The following SRRM3 variants were observed in gnomAD, a reference collection of about 807,000 sequenced individuals.
The protein encoded by SRRM3 is serine/arginine repetitive matrix 3.
A neutral mutation model predicts 66.2 loss-of-function variants in SRRM3; 27 were observed. The ratio of observed to expected loss-of-function variants is 0.41; its 90% CI spans 0.30 to 0.56. The LOEUF (loss-of-function observed/expected upper bound fraction) is 0.56, where lower values mean the gene tolerates loss of function less well. SRRM3 is among the 20% of genes least tolerant of loss of function. The probability of loss-of-function intolerance (pLI) is 0.32; values close to 1 mark genes in which losing one functional copy is unlikely to be tolerated. For synonymous variants in SRRM3, 391 were observed against 414.9 expected (o/e 0.94, Z 0.70); for missense variants, 918 against 991.9 (o/e 0.93, Z 1.00).
At position 76,235,410 on chromosome 7, in the gene SRRM3, CG is replaced by C. The variant is rs1801120274; in HGVS notation, c.233+115del. 1.9e-5 allele frequency: 17 copies of C among 896,470 alleles called. No homozygotes were observed. In the East Asian group the frequency reaches 4.9e-4, roughly 26 times the overall value. The allele number at this position is 896,470 out of a possible 1,614,324, so 55.5% of individuals were successfully genotyped here. On this transcript the variant is annotated intron_variant, in intron 2 of 14. Transcript: ENST00000611745. ...CGAACGTCGTGGGCGGGGAGAAGGG[CG>C]GGGCTAGGGGCTATTAGGGCGGAGT...
chr7:76,222,053 C>A (rs1039060636), intron 1 of SRRM3, among the ~76,000 whole-genome samples: 4 of 152,172 alleles, frequency 2.6e-5, no homozygotes, highest in Admixed American at 6.6e-5. Context: ...ACTGGCTGAT[C>A]GGCACGGGTC....
chr7:76,236,797 G>A (rs1554605022), intron 2 of SRRM3, among the ~76,000 whole-genome samples: 3 of 152,188 alleles, frequency 2.0e-5, no homozygotes, highest in African/African-American at 7.2e-5. Flanking sequence ...ATGGATGGAT[G>A]GCAGGATGCT....
intron 1 of SRRM3, among the ~76,000 whole-genome samples, chr7:76,221,468 T>A (rs1800719466): frequency 1.3e-5 from 2 of 149,808 alleles, no homozygotes; most frequent in Admixed American, 1.3e-4. Context: ...GTTCACACCA[T>A]TCTCCTGCCT....
chr7:76,257,393 C>T (rs1554607888), intron 3 of SRRM3, among the ~76,000 whole-genome samples: 1 of 149,784 alleles, frequency 6.7e-6, no homozygotes, highest in East Asian at 2.0e-4. Flanking sequence ...AGGTCGGGGC[C>T]ACCCCCCTAG....
intron 10 of SRRM3, 66 bp downstream of exon 10, chr7:76,265,534 A>C: frequency 2.0e-5 from 26 of 1,293,206 alleles, no homozygotes; most frequent in Non-Finnish European, 2.6e-5. Flanking sequence ...AAACACCCCC[A>C]AGGGCTGGGG....
At chr7:76,251,736 C>G (rs1371589362) in intron 3 of SRRM3, among the ~76,000 whole-genome samples, 1 of 151,874 alleles carries the variant, frequency 6.6e-6, no homozygotes, top group Non-Finnish European at 1.5e-5. Flanking sequence ...TCCAGACCAG[C>G]CTGGGCAACA....
intron 3 of SRRM3, among the ~76,000 whole-genome samples, chr7:76,255,805 TA>T (rs35708195): frequency 3.9e-5 from 6 of 152,262 alleles, no homozygotes; most frequent in African/African-American, 1.2e-4. Flanking sequence ...GTGGGTTCCC[TA>T]AAAAATCTGT....
rs183812028 is a variant in SRRM3, at chr7:76,212,384, T to C, written c.-40+10317T>C. On this transcript the variant is annotated intron_variant, in intron 1 of 14. Coordinates refer to ENST00000611745, the MANE Select transcript of SRRM3 (RefSeq NM_001110199.3). ...GTTGCCCAGGCTAGTCTTGAACTCC[T>C]GGCCTCAACTGATCCTCCCACCTCG... 3.4e-3 allele frequency among the ~76,000 whole-genome samples: 509 copies of C among 150,906 alleles called. 4 individuals carry two copies. Among genetic ancestry groups the C allele is most frequent in the African/African-American group, 0.012 (485 of 41,048 alleles).
rs59526809 is a variant in SRRM3 at position 76,220,616 on chromosome 7, A to G, written c.-39-14412A>G. Among the ~76,000 whole-genome samples the G allele has an allele frequency of 4.4e-3, 668 of 152,298 alleles. 4 individuals are homozygous for G. Among genetic ancestry groups the G allele is most frequent in the African/African-American group, 0.015 (636 of 41,576 alleles). On this transcript the variant is annotated intron_variant, in intron 1 of 14. Coordinates refer to ENST00000611745, the MANE Select transcript of SRRM3 (RefSeq NM_001110199.3). ...CCAGCACAGACTGAGACGGCAGGGA[A>G]AGGGTCAGCCCGAGTCCTGCCCAGG...
At chr7:76,234,683 G>A (rs943911856) in intron 1 of SRRM3, among the ~76,000 whole-genome samples, 7 of 152,220 alleles carry the variant, frequency 4.6e-5, no homozygotes, top group Non-Finnish European at 5.9e-5. Flanking sequence ...GTGTGCAAGC[G>A]GGCGCTGGGA....
In SRRM3 at chr7:76,248,148, C is replaced by A. The variant is rs1554606363; in HGVS notation, c.234-40C>A. On this transcript the variant is annotated intron_variant, in intron 2 of 14. Transcript: ENST00000611745. The stretch of plus-strand genomic sequence containing the variant: ...CGGGGCAGGAAAGAGGGAACCAAAT[C>A]TGGGAGACCAGCCCCTTCACCCTCT... The A allele has an allele frequency of 1.9e-6, 3 of 1,554,220 alleles. No homozygotes were observed. The South Asian group carries it at 3.4e-5, about 18-fold the overall frequency.
chr7:76,212,934 T>A (rs574381553), intron 1 of SRRM3, among the ~76,000 whole-genome samples: 4 of 151,788 alleles, frequency 2.6e-5, no homozygotes, highest in Non-Finnish European at 5.9e-5. Context: ...CTGCGTGATG[T>A]CCTGTTCCAA....
intron 14 of SRRM3, chr7:76,283,745 C>G: frequency 8.3e-7 from 1 of 1,198,674 alleles, no homozygotes; most frequent in Non-Finnish European, 1.1e-6. Flanking sequence ...TTGCCCTACA[C>G]AGCTGTGGGG....
At chr7:76,218,748 G>A (rs1272129658) in intron 1 of SRRM3, among the ~76,000 whole-genome samples, 9 of 140,312 alleles carry the variant, frequency 6.4e-5, no homozygotes, top group South Asian at 2.2e-4. Flanking sequence ...GTGAAATCTC[G>A]GCTCACTACA....
At chr7:76,211,848 A>G (rs2116939093) in intron 1 of SRRM3, among the ~76,000 whole-genome samples, 1 of 144,038 alleles carries the variant, frequency 6.9e-6, no homozygotes, top group Admixed American at 6.9e-5. Flanking sequence ...TATTATTATT[A>G]TTATTATTAG....
chr7:76,216,034 C>T (rs1800562563), intron 1 of SRRM3, among the ~76,000 whole-genome samples: 1 of 151,464 alleles, frequency 6.6e-6, no homozygotes, highest in South Asian at 2.1e-4. Context: ...GTCTCGATCT[C>T]CTGACCTCGT....
chr7:76,285,503 A>G lies in SRRM3; in HGVS notation c.1734-112A>G. 1 of 759,090 alleles carries G rather than the reference A, an allele frequency of 1.3e-6. No homozygotes were observed. The highest frequency in any genetic ancestry group is 2.1e-6 in the Non-Finnish European group (1 of 468,094). 47.0% of individuals were successfully genotyped at this position (759,090 alleles called of 1,614,324 possible). ...CCGTCAGATTCCATTTGGAGAAGGC[A>G]GGTGTCTCTAAGGCCAGGGCTCAGG... On this transcript the variant is annotated intron_variant, in intron 14 of 14. Coordinates refer to ENST00000611745, the MANE Select transcript of SRRM3 (RefSeq NM_001110199.3). The surrounding 1 kb of genome is among the most constrained non-coding windows in gnomAD (Gnocchi z 4.1).
At chr7:76,266,216 A>ATT (rs1554609570) in intron 10 of SRRM3, among the ~76,000 whole-genome samples, 2 of 90,528 alleles carry the variant, frequency 2.2e-5, no homozygotes, top group African/African-American at 1.3e-4. Flanking sequence ...TAATATATAT[A>ATT]AATATTTATA....
At position 76,230,465 on chromosome 7, in the gene SRRM3, C is replaced by A. The variant is rs188919335; in HGVS notation, c.-39-4563C>A. 3.5e-3 allele frequency among the ~76,000 whole-genome samples: 536 copies of A among 152,126 alleles called. 3 individuals are homozygous for A. Among genetic ancestry groups the A allele is most frequent in the African/African-American group, 0.012 (512 of 41,496 alleles). On this transcript the variant is annotated intron_variant, in intron 1 of 14. Transcript: ENST00000611745. ...AGGAGCTTGAGAGCAGCCTGGGCAA[C>A]ATAGCAAGATCCCATCTCTACAAAA...
Sources: gnomAD v4.1 joint callset for allele counts (sites outside exome capture counted in the v4.1 genomes callset) on GRCh38, gnomAD v4.1.1 for gene constraint, Gnocchi (gnomAD v3.1) non-coding constraint, MANE v1.5 for transcripts, NCBI Gene and HGNC (gene_info 2026-07-23, HGNC 2026-07-21) for gene names.